The following PACRGL variants were observed in gnomAD, a reference collection of about 807,000 sequenced individuals.
PACRGL encodes parkin coregulated like.
In PACRGL, 38 loss-of-function variants were observed where a neutral mutation model predicts 34.5. The observed-to-expected ratio is 1.10, with a 90% CI of 0.85 to 1.44. PACRGL has a LOEUF of 1.44. Among genes scored for constraint, PACRGL ranks in the 40% most tolerant of loss-of-function variants. The pLI, the probability that PACRGL is intolerant of heterozygous loss-of-function variation, is 0.00. For missense variants in PACRGL, 305 were observed against 281.4 expected, an observed-to-expected ratio of 1.08 and a Z score of -0.60; for synonymous variants, 128 against 100.1, an observed-to-expected ratio of 1.28 and a Z score of -1.66.
intron 8 of PACRGL, among the ~76,000 whole-genome samples, chr4:20,744,156 CT>C (rs200529288): frequency 0.06 from 9,209 of 152,228 alleles, 328 homozygotes; most frequent in Admixed American, 0.098. Context: ...CACTTTTGCA[CT>C]GTTGGTGGGA....
chr4:20,756,225 A>C (rs908192342), downstream of PACRGL, among the ~76,000 whole-genome samples: 2 of 152,054 alleles, frequency 1.3e-5, no homozygotes, highest in Non-Finnish European at 2.9e-5. Context: ...TCTGGCCATA[A>C]TAACAGAGAG....
At chr4:20,716,018 C>A (rs565306542) in intron 7 of PACRGL, 15 of 1,280,396 alleles carry the variant, frequency 1.2e-5, no homozygotes, top group South Asian at 1.0e-4. Flanking sequence ...TTTTTCATTG[C>A]GATGTTTTAG....
At chr4:20,707,954 T>G (rs1470581340) in intron 4 of PACRGL, 84 bp downstream of exon 4, 3 of 1,061,134 alleles carry the variant, frequency 2.8e-6, no homozygotes, top group Non-Finnish European at 2.8e-6. Flanking sequence ...AAATGTATTG[T>G]AAGTTTTATT....
At chr4:20,766,539 C>G in the PACRGL span, among the ~76,000 whole-genome samples, 1 of 152,276 alleles carries the variant, frequency 6.6e-6, no homozygotes, top group Middle Eastern at 3.4e-3. Flanking sequence ...ATACTCCAGC[C>G]TGGGTGACAG....
At chr4:20,707,990 A>G in intron 4 of PACRGL, 120 bp downstream of exon 4, 1 of 754,956 alleles carries the variant, frequency 1.3e-6, no homozygotes, top group Non-Finnish European at 2.2e-6. Context: ...AATAAAGATG[A>G]CTTTATTCAC....
chr4:20,701,975 C>T (rs1732373012), intron 1 of PACRGL: 1 of 453,148 alleles, frequency 2.2e-6, no homozygotes, highest in Admixed American at 2.4e-5. Context: ...GACGTGTTTG[C>T]ATTACTGTAT....
downstream of PACRGL, among the ~76,000 whole-genome samples, chr4:20,755,568 G>C (rs1177354268): frequency 6.6e-6 from 1 of 152,140 alleles, no homozygotes; most frequent in Non-Finnish European, 1.5e-5. Context: ...CCCTGGAGCT[G>C]ACATTCTAGT....
chr4:20,758,782 ACT>A, the PACRGL span: 4 of 1,485,180 alleles, frequency 2.7e-6, no homozygotes, highest in South Asian at 1.2e-5. Context: ...CATAATTGTA[ACT>A]CTGATAGTAT....
chr4:20,760,849 G>A, the PACRGL span, among the ~76,000 whole-genome samples: 4 of 152,128 alleles, frequency 2.6e-5, no homozygotes, highest in African/African-American at 4.8e-5. Flanking sequence ...AAATGAGCAA[G>A]CAAGCAAGCA....
Position 20,730,218 on chromosome 4 carries a change from CA to C in PACRGL, c.*2879del. ...GCCCCTGAGTATTGCCTCCTCCCAT[CA>C]ACCACCTCAACCACCTATGCCAAAA... On this transcript the variant is annotated 3_prime_UTR_variant, in exon 9 of 9. Coordinates refer to ENST00000503585, the MANE Select transcript of PACRGL (RefSeq NM_001258345.3). 1 of 1,396,842 alleles carries C rather than the reference CA, an allele frequency of 7.2e-7. No individual in the cohort carries two copies. The highest frequency in any genetic ancestry group is 9.6e-7 in the Non-Finnish European group (1 of 1,046,272). 86.5% of individuals were successfully genotyped at this position (1,396,842 alleles called of 1,614,324 possible).
intron 7 of PACRGL, among the ~76,000 whole-genome samples, chr4:20,722,790 A>AGGGGCAAGGGCCAAACTT: frequency 6.6e-6 from 1 of 152,318 alleles, no homozygotes; most frequent in Admixed American, 6.5e-5. Context: ...TTCAAGAGCT[A>AGGGGCAAGGGCCAAACTT]GGGGCAAGGG....
intron 8 of PACRGL, chr4:20,749,637 G>A (rs1320813791): frequency 6.7e-7 from 1 of 1,497,866 alleles, no homozygotes; most frequent in African/African-American, 1.4e-5. Context: ...ATAGTCAAAT[G>A]ATATGAAAAT....
intron 7 of PACRGL, 80 bp from the exon 8 acceptor site, chr4:20,724,728 T>C: frequency 6.0e-6 from 4 of 666,544 alleles, no homozygotes; most frequent in Middle Eastern, 2.7e-4. Flanking sequence ...CAAGGGGTGC[T>C]CCTGAAGATT....
In PACRGL at chr4:20,729,471, C is replaced by G. The variant is rs1468379037; in HGVS notation, c.*2130C>G. ...GCATATGCTGATATCTGATAATAAA[C>G]TAATTTTTAAATGTTTAATAATTTT... On this transcript the variant is annotated 3_prime_UTR_variant, in exon 9 of 9. Transcript: ENST00000503585. The G allele has an allele frequency of 1.3e-5, 2 of 151,228 alleles. No individual in the cohort carries two copies. The highest frequency in any genetic ancestry group is 4.9e-5 in the African/African-American group (2 of 41,006). The allele number at this position is 151,228 out of a possible 1,614,324, so 9.4% of individuals were successfully genotyped here.
chr4:20,766,849 T>C, the PACRGL span: 1 of 152,190 alleles, frequency 6.6e-6, no homozygotes, highest in Non-Finnish European at 1.5e-5. Flanking sequence ...TGGAGTTAAA[T>C]AGAAGGCCTG....
At chr4:20,739,998 T>C (rs1042673403) in intron 8 of PACRGL, among the ~76,000 whole-genome samples, 6 of 152,052 alleles carry the variant, frequency 3.9e-5, no homozygotes, top group African/African-American at 7.2e-5. Flanking sequence ...GTATCAGTGA[T>C]TGAAGATCAA....
intron 3 of PACRGL, among the ~76,000 whole-genome samples, chr4:20,706,034 T>C (rs73108121): frequency 0.017 from 2,536 of 151,760 alleles, 63 homozygotes; most frequent in African/African-American, 0.059. Flanking sequence ...TTTGAAACGC[T>C]AATTCAGTGT....
chr4:20,733,991 CG>C (rs749651867), downstream of PACRGL, among the ~76,000 whole-genome samples: 6 of 152,136 alleles, frequency 3.9e-5, no homozygotes, highest in Non-Finnish European at 7.3e-5. Flanking sequence ...GGGGAAGTCT[CG>C]TGAGGCAAAG....
At chr4:20,704,255 T>C (rs1300539635) in intron 1 of PACRGL, among the ~76,000 whole-genome samples, 1 of 152,232 alleles carries the variant, frequency 6.6e-6, no homozygotes, top group Non-Finnish European at 1.5e-5. Flanking sequence ...ACATCATTTC[T>C]TGGAGATGAT....
Sources: allele counts gnomAD v4.1 joint callset (sites outside exome capture counted in the v4.1 genomes callset), GRCh38; gene constraint gnomAD v4.1.1; transcripts MANE v1.5; gene names NCBI Gene and HGNC (gene_info 2026-07-23, HGNC 2026-07-21).